The following MPP7 variants were observed in gnomAD, a reference collection of about 807,000 sequenced individuals.
MPP7 encodes the protein MAGUK p55 scaffold protein 7.
MPP7 carries 60 observed loss-of-function variants against 76.5 expected under a neutral mutation model. That is an observed-to-expected ratio of 0.78 (90% CI 0.64 to 0.97). The LOEUF (loss-of-function observed/expected upper bound fraction) is 0.97, where lower values mean the gene tolerates loss of function less well. Ranked by LOEUF, MPP7 falls within the 50% of genes least tolerant of loss-of-function variation. MPP7 has a pLI of 0.00. For synonymous variants in MPP7, 237 were observed against 244.5 expected (o/e 0.97, Z 0.29); for missense variants, 641 against 694.0 (o/e 0.92, Z 0.86).
At chr10:28,193,215 GTT>G (rs34271924) in intron 3 of MPP7, among the ~76,000 whole-genome samples, 20 of 136,694 alleles carry the variant, frequency 1.5e-4, no homozygotes, top group African/African-American at 2.2e-4. Flanking sequence ...TTGGTTTTTT[GTT>G]TTTTTTTTTT....
chr10:28,305,192 G>A (rs909347147), upstream of MPP7, among the ~76,000 whole-genome samples: 8 of 152,296 alleles, frequency 5.3e-5, no homozygotes, highest in East Asian at 1.3e-3. Context: ...CTTGAAGTAG[G>A]AAGAAAAGTG....
chr10:28,091,963 G>A (rs999038339), intron 11 of MPP7, among the ~76,000 whole-genome samples: 3 of 152,178 alleles, frequency 2.0e-5, no homozygotes, highest in African/African-American at 7.2e-5. Context: ...GCAGATTTTG[G>A]TATCCAAGGG....
intron 1 of MPP7, among the ~76,000 whole-genome samples, chr10:28,333,177 C>T (rs1172494580): frequency 6.6e-6 from 1 of 152,210 alleles, no homozygotes; most frequent in Non-Finnish European, 1.5e-5. Flanking sequence ...GAGAGTGTCA[C>T]TCTGTTGCCC....
intron 2 of MPP7, among the ~76,000 whole-genome samples, chr10:28,226,593 A>T (rs1838699324): frequency 6.6e-6 from 1 of 152,152 alleles, no homozygotes; most frequent in South Asian, 2.1e-4. Context: ...TGGGGTGAAA[A>T]GAATGTTTAG....
At chr10:28,062,820 T>A (rs1474678890) in intron 13 of MPP7, among the ~76,000 whole-genome samples, 2 of 152,130 alleles carry the variant, frequency 1.3e-5, no homozygotes, top group Admixed American at 1.3e-4. Context: ...AAGGCAAGTT[T>A]GCTAAGTAAC....
intron 5 of MPP7, among the ~76,000 whole-genome samples, chr10:28,134,227 G>A (rs781319377): frequency 8.6e-5 from 13 of 151,998 alleles, no homozygotes; most frequent in East Asian, 5.8e-4. Flanking sequence ...AGTGTATAGC[G>A]GTATCTCCTG....
intron 2 of MPP7, among the ~76,000 whole-genome samples, chr10:28,321,710 G>C (rs1148177): frequency 0.24 from 36,747 of 151,916 alleles, 5,770 homozygotes; most frequent in African/African-American, 0.45. Context: ...TCAGCCTCCT[G>C]AGTAGCTGGG....
At position 28,092,422 on chromosome 10, in the gene MPP7, C is replaced by A. The variant is rs1017733114; in HGVS notation, c.953-2581G>T. On this transcript the variant is annotated intron_variant, in intron 11 of 16. Transcript: ENST00000683449. ...TAGAAGGTAAATACATCCCTCTGGC[C>A]CTAGGATGAGAAAAAGAGGTGGAAT... Among the ~76,000 whole-genome samples, 5 of 151,960 alleles carry A rather than the reference C, an allele frequency of 3.3e-5. No homozygotes were observed. The East Asian group carries it at 9.7e-4, about 29-fold the overall frequency.
At chr10:28,064,230 C>A (rs1279192847) in intron 13 of MPP7, among the ~76,000 whole-genome samples, 1 of 151,964 alleles carries the variant, frequency 6.6e-6, no homozygotes, top group Non-Finnish European at 1.5e-5. Context: ...TGTAGTAGTT[C>A]TATACAATGG....
At position 28,218,973 on chromosome 10, in the gene MPP7, G is replaced by A. The variant is rs565157642; in HGVS notation, c.38-16702C>T. 2.9e-3 allele frequency among the ~76,000 whole-genome samples: 434 copies of A among 152,102 alleles called. 1 individual carries two copies. Among genetic ancestry groups the A allele is most frequent in the Non-Finnish European group, 4.9e-3 (332 of 68,002 alleles). ...GCACTTTTTCAAGAAATACATCTAT[G>A]CCACAATCAAGGCACAAGTATCTAG... On this transcript the variant is annotated intron_variant, in intron 2 of 16. Transcript: ENST00000683449.
At chr10:28,201,745 G>A (rs1837778844) in intron 3 of MPP7, among the ~76,000 whole-genome samples, 1 of 152,130 alleles carries the variant, frequency 6.6e-6, no homozygotes, top group Admixed American at 6.6e-5. Context: ...TTTGTTAAAG[G>A]AAATTATTTT....
intron 1 of MPP7, among the ~76,000 whole-genome samples, chr10:28,332,924 A>G (rs1834484278): frequency 6.6e-6 from 1 of 151,998 alleles, no homozygotes; most frequent in South Asian, 2.1e-4. Context: ...CAGCACCCCA[A>G]AGTGCTGGGA....
intron 6 of MPP7, among the ~76,000 whole-genome samples, chr10:28,127,039 G>A (rs532560854): frequency 3.3e-5 from 5 of 152,292 alleles, no homozygotes; most frequent in Non-Finnish European, 7.4e-5. Flanking sequence ...GAACCTCCCA[G>A]CTGAGCTCAT....
chr10:28,236,613 A>G (rs189129699), intron 2 of MPP7: 218 of 152,254 alleles, frequency 1.4e-3, no homozygotes, highest in African/African-American at 5.1e-3. Flanking sequence ...TTTATGTATT[A>G]CTTGTATAAT....
intron 11 of MPP7, among the ~76,000 whole-genome samples, chr10:28,117,478 T>C (rs186240671): frequency 3.0e-4 from 45 of 152,266 alleles, no homozygotes; most frequent in Admixed American, 1.2e-3. Flanking sequence ...TTTTTCTTCA[T>C]GGCATTTTCC....
chr10:28,071,677 TG>T (rs1852247094), intron 12 of MPP7, among the ~76,000 whole-genome samples: 1 of 152,204 alleles, frequency 6.6e-6, no homozygotes, highest in Non-Finnish European at 1.5e-5. Context: ...TAAAGCAATA[TG>T]TATTTCAATA....
At chr10:28,250,122 T>C (rs377315670) in intron 1 of MPP7, among the ~76,000 whole-genome samples, 2 of 152,248 alleles carry the variant, frequency 1.3e-5, no homozygotes, top group Admixed American at 6.5e-5. Context: ...CCATTATCTA[T>C]ACCACCAAAT....
chr10:28,227,956 A>G (rs193222727), intron 2 of MPP7, among the ~76,000 whole-genome samples: 49 of 152,304 alleles, frequency 3.2e-4, no homozygotes, highest in African/African-American at 1.1e-3. Context: ...AAGCATTCTT[A>G]TTTCTCTATA....
chr10:28,185,737 G>A (rs899384976), intron 3 of MPP7, among the ~76,000 whole-genome samples: 8 of 152,098 alleles, frequency 5.3e-5, no homozygotes, highest in South Asian at 2.1e-4. Context: ...AAGTGTGCTC[G>A]TAATTCTTAT....
Sources: allele counts gnomAD v4.1 joint callset (sites outside exome capture counted in the v4.1 genomes callset), GRCh38; gene constraint gnomAD v4.1.1; transcripts MANE v1.5; gene names NCBI Gene and HGNC (gene_info 2026-07-23, HGNC 2026-07-21).